The following SPTLC3 variants were observed in gnomAD, a reference collection of about 807,000 sequenced individuals.
The protein encoded by SPTLC3 is serine palmitoyltransferase long chain base subunit 3.
A neutral mutation model predicts 59.3 loss-of-function variants in SPTLC3; 36 were observed. That is an observed-to-expected ratio of 0.61 (90% CI 0.47 to 0.80). The LOEUF (loss-of-function observed/expected upper bound fraction) is 0.80. SPTLC3 is among the 30% of genes least tolerant of loss of function. The pLI, the probability that SPTLC3 is intolerant of heterozygous loss-of-function variation, is 0.00. For missense variants in SPTLC3, 625 were observed against 685.1 expected, an observed-to-expected ratio of 0.91 and a Z score of 0.98; for synonymous variants, 257 against 240.8, an observed-to-expected ratio of 1.07 and a Z score of -0.62.
At chr20:13,052,451 T>G (rs547739270) in intron 2 of SPTLC3, among the ~76,000 whole-genome samples, 2 of 151,604 alleles carry the variant, frequency 1.3e-5, no homozygotes, top group South Asian at 4.2e-4. Context: ...GGCAGCTGTT[T>G]AGGCAGACAC....
chr20:13,109,113 C>G (rs959984032), intron 6 of SPTLC3, among the ~76,000 whole-genome samples: 4 of 152,154 alleles, frequency 2.6e-5, no homozygotes, highest in Non-Finnish European at 4.4e-5. Flanking sequence ...ATATACCAAA[C>G]AGCTAGGTTG....
intron 1 of SPTLC3, among the ~76,000 whole-genome samples, chr20:13,035,237 T>C (rs190471751): frequency 1.5e-3 from 223 of 152,246 alleles, no homozygotes; most frequent in Middle Eastern, 3.4e-3. Context: ...GTTGAACTGG[T>C]AAGAAAATAA....
At chr20:13,120,679 G>A (rs1195744409) in intron 8 of SPTLC3, among the ~76,000 whole-genome samples, 2 of 152,066 alleles carry the variant, frequency 1.3e-5, no homozygotes, top group Non-Finnish European at 2.9e-5. Flanking sequence ...TTGAAAACAA[G>A]GAGAAAAAAA....
At chr20:13,088,881 T>G (rs1019874082) in intron 4 of SPTLC3, among the ~76,000 whole-genome samples, 4 of 149,056 alleles carry the variant, frequency 2.7e-5, no homozygotes, top group African/African-American at 9.9e-5. Flanking sequence ...TCTGCCCGCC[T>G]CAGTCTCCCA....
chr20:13,048,367 A>G (rs958030757), intron 1 of SPTLC3, among the ~76,000 whole-genome samples: 1 of 152,194 alleles, frequency 6.6e-6, no homozygotes, highest in African/African-American at 2.4e-5. Context: ...TTCTTTTATC[A>G]GACTTTTTTA....
Position 13,060,361 on chromosome 20 carries a change from G to A in SPTLC3, c.303+11231G>A, listed in dbSNP as rs143937219. Among the ~76,000 whole-genome samples, 30 of 148,000 alleles carry A rather than the reference G, an allele frequency of 2.0e-4. 1 individual carries two copies. Among genetic ancestry groups the A allele is most frequent in the Admixed American group, 2.8e-4 (4 of 14,460 alleles). On this transcript the variant is annotated intron_variant, in intron 2 of 11. Coordinates refer to ENST00000399002, the MANE Select transcript of SPTLC3 (RefSeq NM_018327.4). The stretch of plus-strand genomic sequence containing the variant: ...ATCAGACATTAACTTATGTGTAGGA[G>A]AAGGCAAGAGCTAAAGTTATTTATT...
At chr20:13,138,041 C>T (rs958778108) in intron 9 of SPTLC3, among the ~76,000 whole-genome samples, 1 of 152,192 alleles carries the variant, frequency 6.6e-6, no homozygotes, top group African/African-American at 2.4e-5. Flanking sequence ...CCAGGGAGAC[C>T]TTCCCTAAAC....
At chr20:13,160,383 C>G (rs1230561052) in intron 11 of SPTLC3, among the ~76,000 whole-genome samples, 30 of 152,212 alleles carry the variant, frequency 2.0e-4, no homozygotes, top group Admixed American at 2.0e-3. Context: ...AAAAGACTGA[C>G]TGAGTAGCCA....
At chr20:13,009,460 T>A in intron 1 of SPTLC3, 76 bp downstream of exon 1, 1 of 1,323,668 alleles carries the variant, frequency 7.6e-7, no homozygotes, top group Non-Finnish European at 1.1e-6. Flanking sequence ...TATTTGAGGC[T>A]GTCCTAACTT....
chr20:13,047,745 A>G (rs1987293397), intron 1 of SPTLC3, among the ~76,000 whole-genome samples: 1 of 152,174 alleles, frequency 6.6e-6, no homozygotes, highest in South Asian at 2.1e-4. Context: ...ATAAAACAGA[A>G]AATTTTTTAA....
intron 6 of SPTLC3, among the ~76,000 whole-genome samples, chr20:13,094,562 CAAG>C (rs1210138944): frequency 1.3e-5 from 2 of 152,264 alleles, no homozygotes; most frequent in South Asian, 2.1e-4. Context: ...TTTGAAGTGA[CAAG>C]AAGAAGGCTG....
At chr20:13,048,800 C>A in intron 1 of SPTLC3, 145 bp from the exon 2 acceptor site, 1 of 684,484 alleles carries the variant, frequency 1.5e-6, no homozygotes, top group Non-Finnish European at 2.2e-6. Context: ...TTTTTGATTA[C>A]CCTCTTCAAT....
At chr20:13,095,827 T>C (rs186778099) in intron 6 of SPTLC3, among the ~76,000 whole-genome samples, 266 of 152,308 alleles carry the variant, frequency 1.7e-3, no homozygotes, top group African/African-American at 6.0e-3. Context: ...CTCTACTCTT[T>C]TACACTCTTG....
chr20:13,120,872 G>A (rs1366984564), intron 8 of SPTLC3, among the ~76,000 whole-genome samples: 1 of 152,178 alleles, frequency 6.6e-6, no homozygotes, highest in African/African-American at 2.4e-5. Context: ...GAGTTTTGCT[G>A]TTTTGCTCAC....
At chr20:13,074,894 G>C (rs944742430) in intron 4 of SPTLC3, among the ~76,000 whole-genome samples, 8 of 152,130 alleles carry the variant, frequency 5.3e-5, no homozygotes, top group South Asian at 2.1e-4. Context: ...AAGAGGGATT[G>C]GACTTGTGGA....
chr20:13,009,232 AG>A lies in SPTLC3; in HGVS notation c.-34del. On this transcript the variant is annotated 5_prime_UTR_variant, in exon 1 of 12. Coordinates refer to ENST00000399002, the MANE Select transcript of SPTLC3 (RefSeq NM_018327.4). ...AACTAAAGCCTGCAGAGACCTCTGA[AG>A]GAAAACCTGTCCCGGGCTCTGTCAC... 1.9e-6 allele frequency: 3 copies of A among 1,587,106 alleles called. No homozygotes were observed. Among genetic ancestry groups the A allele is most frequent in the Non-Finnish European group, 2.6e-6 (3 of 1,156,050 alleles).
intron 1 of SPTLC3, among the ~76,000 whole-genome samples, chr20:13,042,204 T>A (rs1239769628): frequency 6.6e-6 from 1 of 152,180 alleles, no homozygotes; most frequent in Non-Finnish European, 1.5e-5. Flanking sequence ...GAGTTACCAG[T>A]CTCTTCTAAA....
At chr20:13,123,102 C>T (rs1028371843) in intron 8 of SPTLC3, among the ~76,000 whole-genome samples, 5 of 151,990 alleles carry the variant, frequency 3.3e-5, no homozygotes, top group East Asian at 1.9e-4. Flanking sequence ...AGGCCAAGGC[C>T]GGCGGATTAC....
Position 13,059,825 on chromosome 20 carries a change from C to T in SPTLC3, c.303+10695C>T, listed in dbSNP as rs568230790. Reference sequence around the variant, plus strand: ...CTGTTATATTTCAGGTTCTCTTTTCCTTTCTTCTAACCATCTTAAATTCCA... The same window carrying T: ...CTGTTATATTTCAGGTTCTCTTTTCTTTTCTTCTAACCATCTTAAATTCCA... On this transcript the variant is annotated intron_variant, in intron 2 of 11. Transcript: ENST00000399002. 1.0e-3 allele frequency among the ~76,000 whole-genome samples: 157 copies of T among 152,206 alleles called. 3 individuals carry two copies. The highest frequency in any genetic ancestry group is 1.9e-4 in the Non-Finnish European group (13 of 68,010).
Sources: allele counts gnomAD v4.1 joint callset (sites outside exome capture counted in the v4.1 genomes callset), GRCh38; gene constraint gnomAD v4.1.1; transcripts MANE v1.5; gene names NCBI Gene and HGNC (gene_info 2026-07-23, HGNC 2026-07-21).